The following COL9A3 variants were observed in gnomAD, a reference collection of about 807,000 sequenced individuals.
The protein encoded by COL9A3 is collagen alpha-3(IX) chain.
Under a neutral mutation model 110.2 loss-of-function variants are expected in COL9A3, and 82 were observed. The ratio of observed to expected loss-of-function variants is 0.74; its 90% CI spans 0.62 to 0.89. The LOEUF is 0.89. COL9A3 is among the 40% of genes least tolerant of loss of function. COL9A3 has a pLI of 0.00. For synonymous variants in COL9A3, 494 were observed against 403.8 expected (o/e 1.22, Z -2.68); for missense variants, 1,066 against 981.3 (o/e 1.09, Z -1.15).
In COL9A3 at chr20:62,829,725, G is replaced by A. The variant is rs746731048; in HGVS notation, c.1108-41G>A. 1.8e-5 allele frequency: 28 copies of A among 1,598,136 alleles called. No homozygotes were observed. The South Asian group carries it at 1.9e-4, about 11-fold the overall frequency. On this transcript the variant is annotated intron_variant, in intron 21 of 31. Transcript: ENST00000649368. The stretch of plus-strand genomic sequence containing the variant: ...CCAGACCCCTCCCCATCCAGCCTGT[G>A]TGCAGACCCTGCCCTGACACCCTCC...
intron 30 of COL9A3, among the ~76,000 whole-genome samples, chr20:62,837,550 T>A (rs1472133381): frequency 6.6e-6 from 1 of 152,260 alleles, no homozygotes; most frequent in Non-Finnish European, 1.5e-5. Flanking sequence ...GGCTCACGCC[T>A]GTAATCCCAA....
rs116154575 is a variant in COL9A3 at position 62,819,688 on chromosome 20, G to A, written c.256-241G>A. Among the ~76,000 whole-genome samples the A allele has an allele frequency of 0.013, 1,981 of 152,328 alleles. 46 individuals carry two copies. Among genetic ancestry groups the A allele is most frequent in the African/African-American group, 0.044 (1,839 of 41,564 alleles). ...CCAGTCCTGCTGGGTTGGTCCCCGA[G>A]GCCTGACTACAGCAGGTGCCTCCGT... On this transcript the variant is annotated intron_variant, in intron 4 of 31. Coordinates refer to ENST00000649368, the MANE Select transcript of COL9A3 (RefSeq NM_001853.4).
intron 5 of COL9A3, among the ~76,000 whole-genome samples, chr20:62,820,326 G>C (rs1991077857): frequency 1.3e-5 from 2 of 151,912 alleles, no homozygotes; most frequent in South Asian, 4.2e-4. Flanking sequence ...CGGGCACGCA[G>C]CCTGCAGAGT....
chr20:62,817,440 T>G, intron 1 of COL9A3, 127 bp from the exon 2 acceptor site: 2 of 689,720 alleles, frequency 2.9e-6, no homozygotes, highest in Non-Finnish European at 4.8e-6. Context: ...CGCCCGAGGC[T>G]TTGGGTCTCA....
intron 26 of COL9A3, among the ~76,000 whole-genome samples, chr20:62,834,823 T>C (rs544241669): frequency 2.8e-4 from 43 of 152,214 alleles, no homozygotes; most frequent in African/African-American, 9.9e-4. Flanking sequence ...TTGTATTTAG[T>C]AGAGATGGGG....
intron 25 of COL9A3, 75 bp downstream of exon 25, chr20:62,832,264 G>A (rs2063602676): frequency 3.4e-6 from 5 of 1,478,832 alleles, no homozygotes; most frequent in African/African-American, 2.8e-5. Context: ...CTCCTGTCCC[G>A]GCTCTGGCCC....
At chr20:62,832,772 G>GCAGAAAAGCCTCATTATGCAAACAAATGA in intron 25 of COL9A3, 1 of 427,134 alleles carries the variant, frequency 2.3e-6, no homozygotes, top group Non-Finnish European at 4.4e-6. Context: ...CCCACCGCAG[G>GCAGAAAAGCCTCATTATGCAAACAAATGA]TTCTGCTTGG....
intron 26 of COL9A3, 86 bp from the exon 27 acceptor site, chr20:62,835,835 G>T (rs2063630463): frequency 2.9e-6 from 4 of 1,371,244 alleles, no homozygotes; most frequent in South Asian, 1.2e-5. Flanking sequence ...GTGTGTGGAT[G>T]ATTTGATTTA....
rs1230802919 is a variant in COL9A3 at position 62,817,593 on chromosome 20, C to G, written c.105C>G (p.Gly35=). ...GAGTGGGACTCCCCGGCCCCCCCGG[C>G]CCCCCAGGGCCGCCCGGGAAGCCCG... ...AQRVGLPGPP[G]PPGPPGKPGQ... The change falls in exon 2 of 32, where the codon GGC becomes GGG. Residue 35 remains glycine, a synonymous_variant. Coordinates refer to ENST00000649368, the MANE Select transcript of COL9A3 (RefSeq NM_001853.4). 6.5e-7 allele frequency: 1 copy of G among 1,545,132 alleles called. No homozygotes were observed. The highest frequency in any genetic ancestry group is 2.5e-5 in the East Asian group (1 of 40,802).
chr20:62,821,750 C>T lies in COL9A3; in HGVS notation c.370-7C>T, dbSNP rs1419114138. 1.2e-6 allele frequency: 2 copies of T among 1,609,890 alleles called. No homozygotes were observed. The highest frequency in any genetic ancestry group is 2.2e-5 in the East Asian group (1 of 44,852). On this transcript the variant is annotated splice_polypyrimidine_tract_variant and splice_region_variant and intron_variant, in intron 7 of 31. Transcript: ENST00000649368. ...AGACCTCCCCACCTCTCTTTACTTC[C>T]CTCCAGGGAGAGGCAGGAGTGAGCG...
In COL9A3 at chr20:62,836,252, G is replaced by A. The variant is rs2063634390; in HGVS notation, c.1467G>A (p.Gln489=). 2 of 1,613,744 alleles carry A rather than the reference G, an allele frequency of 1.2e-6. No homozygotes were observed. Among genetic ancestry groups the A allele is most frequent in the African/African-American group, 2.7e-5 (2 of 75,066 alleles). Residue 489 remains glutamine, a synonymous_variant, in exon 28 of 32, where the codon CAG becomes CAA. Transcript: ENST00000649368. ...TQGPNGTSGV[Q]GVPGPPGPLG... The stretch of plus-strand genomic sequence containing the variant: ...GTCCCAACGGCACCAGCGGTGTTCA[G>A]GGTGTCCCCGGGCCCCCCGGTCCTC...
In COL9A3 at chr20:62,836,331, C is replaced by G. The variant is rs781411607; in HGVS notation, c.1546C>G (p.Pro516Ala). 68 of 1,613,696 alleles carry G rather than the reference C, an allele frequency of 4.2e-5. No individual in the cohort carries two copies. The highest frequency in any genetic ancestry group is 1.3e-4 in the South Asian group (12 of 91,094). ...VPGITGKPGV[P>A]GKEASEQRIR... ...TGGCATCACGGGGAAGCCGGGAGTT[C>G]CGGTACGTCGCTTTTCCGGCTTTTC... Residue 516 changes from proline to alanine, a missense_variant and splice_region_variant, in exon 28 of 32, where the codon CCG becomes GCG. Physicochemically the swap from Pro to Ala is conservative, Grantham distance 27 (BLOSUM62 -1). Transcript: ENST00000649368.
At chr20:62,830,257 G>C (rs1281835803) in intron 22 of COL9A3, 103 bp from the exon 23 acceptor site, 2 of 1,364,482 alleles carry the variant, frequency 1.5e-6, no homozygotes, top group Non-Finnish European at 2.0e-6. Context: ...ACCGGCTCCT[G>C]TGTCCACCCA....
chr20:62,824,394 C>T (rs373510911), intron 10 of COL9A3, 51 bp from the exon 11 acceptor site: 9 of 1,548,362 alleles, frequency 5.8e-6, no homozygotes, highest in South Asian at 1.2e-5. Context: ...CTGCGTCGGA[C>T]GTCCTGCTCT....
At chr20:62,833,136 C>T (rs1351788192) in intron 26 of COL9A3, 72 bp downstream of exon 26, 2 of 1,280,152 alleles carry the variant, frequency 1.6e-6, no homozygotes, top group Non-Finnish European at 2.3e-6. Context: ...GGGAACAGTC[C>T]TGGGGACAGG....
intron 1 of COL9A3, 75 bp downstream of exon 1, chr20:62,817,217 G>T: frequency 8.9e-7 from 1 of 1,124,592 alleles, no homozygotes; most frequent in Non-Finnish European, 1.1e-6. Flanking sequence ...CCACTCCGGG[G>T]TGCCCGGCGC....
intron 2 of COL9A3, 200 bp downstream of exon 2, chr20:62,817,835 T>G: frequency 1.5e-6 from 1 of 678,702 alleles, no homozygotes; most frequent in Non-Finnish European, 2.8e-6. Flanking sequence ...GAGGGTGTCA[T>G]GTGGTGGTCC....
At chr20:62,821,716 T>G (rs2063514325) in intron 7 of COL9A3, 41 bp from the exon 8 acceptor site, 1 of 1,586,868 alleles carries the variant, frequency 6.3e-7, no homozygotes, top group Non-Finnish European at 8.6e-7. Context: ...CCTCGGGGCT[T>G]CCGGGTGCAG....
In COL9A3 at chr20:62,819,913, C is replaced by A. The variant is rs201124772; in HGVS notation, c.256-16C>A. ...TCCCATGTGGCCCCTCGAGCTCGCC[C>A]TCTGCCTCTCCCCAGGGTCTGACTG... is the stretch of plus-strand genomic sequence containing the variant. On this transcript the variant is annotated splice_polypyrimidine_tract_variant and intron_variant, in intron 4 of 31. Transcript: ENST00000649368. 2.2e-4 allele frequency: 360 copies of A among 1,612,824 alleles called. No homozygotes were observed. Among genetic ancestry groups the A allele is most frequent in the Middle Eastern group, 1.5e-3 (9 of 6,062 alleles).
Sources: gnomAD v4.1 joint callset for allele counts (sites outside exome capture counted in the v4.1 genomes callset) on GRCh38, gnomAD v4.1.1 for gene constraint, MANE v1.5 for transcripts, NCBI Gene and HGNC (gene_info 2026-07-23, HGNC 2026-07-21) for gene names.